BPTF: variants seen among roughly 807,000 people sequenced by gnomAD.
The protein encoded by BPTF is bromodomain PHD finger transcription factor.
Under a neutral mutation model 292.5 loss-of-function variants are expected in BPTF, and 18 were observed. The observed-to-expected ratio is 0.06, with a 90% CI of 0.04 to 0.09. BPTF has a LOEUF of 0.09. BPTF is among the 10% of genes least tolerant of loss of function. The pLI, the probability that BPTF is intolerant of heterozygous loss-of-function variation, is 1.00. For missense variants in BPTF, 2,726 were observed against 3,498.7 expected, an observed-to-expected ratio of 0.78 and a Z score of 5.57; for synonymous variants, 1,225 against 1,251.9, an observed-to-expected ratio of 0.98 and a Z score of 0.45.
chr17:67,937,375 C>T (rs1040344004), intron 18 of BPTF, among the ~76,000 whole-genome samples: 2 of 137,432 alleles, frequency 1.5e-5, no homozygotes, highest in Non-Finnish European at 3.0e-5. Context: ...GAGAATCGGA[C>T]TTTGTCAAAA....
intron 9 of BPTF, among the ~76,000 whole-genome samples, chr17:67,905,915 G>A (rs1462681686): frequency 6.6e-6 from 1 of 151,774 alleles, no homozygotes; most frequent in Non-Finnish European, 1.5e-5. Flanking sequence ...GTTGGGGGAG[G>A]TTGGGGGATA....
At chr17:67,900,175 G>A (rs1254194115) in intron 7 of BPTF, among the ~76,000 whole-genome samples, 3 of 152,062 alleles carry the variant, frequency 2.0e-5, no homozygotes, top group Non-Finnish European at 4.4e-5. Flanking sequence ...CGCCATCTCG[G>A]CTCACTGCAA....
At chr17:67,951,838 A>G (rs1415790662) in intron 23 of BPTF, 1 of 152,090 alleles carries the variant, frequency 6.6e-6, no homozygotes, top group Non-Finnish European at 1.5e-5. Flanking sequence ...GGTAAATCAC[A>G]TGAGGCCAGG....
intron 23 of BPTF, among the ~76,000 whole-genome samples, chr17:67,949,343 G>A (rs904868108): frequency 7.9e-5 from 12 of 151,928 alleles, no homozygotes; most frequent in Admixed American, 2.6e-4. Flanking sequence ...CCAGGAAGCC[G>A]AGGCGGGTGG....
intron 7 of BPTF, among the ~76,000 whole-genome samples, chr17:67,900,785 G>A (rs537203417): frequency 1.3e-5 from 2 of 152,158 alleles, no homozygotes; most frequent in Middle Eastern, 3.4e-3. Flanking sequence ...TGAGGAGGGA[G>A]GATCACCTGA....
rs1280356938 is a variant in BPTF, at chr17:67,857,787, T to C, written c.1436+3025T>C. On this transcript the variant is annotated intron_variant, in intron 2 of 27. Coordinates refer to ENST00000306378, the MANE Select transcript of BPTF (RefSeq NM_182641.4). ...TAGACTAACAATATTTCTTTCTTTT[T>C]TTTTTTTTTTTTTTTTTGAGACAGC... is the stretch of plus-strand genomic sequence containing the variant. 4.5e-4 allele frequency among the ~76,000 whole-genome samples: 65 copies of C among 143,200 alleles called. No individual in the cohort carries two copies. The East Asian group carries it at 6.9e-3, about 15-fold the overall frequency. The allele number at this position is 143,200 out of a possible 152,430, so 93.9% of individuals were successfully genotyped here. A position where few individuals can be genotyped will look rare whatever the true frequency, so the allele number is the denominator to read the frequency against.
chr17:67,899,254 G>T (rs1217463032), intron 7 of BPTF, among the ~76,000 whole-genome samples: 1 of 152,130 alleles, frequency 6.6e-6, no homozygotes, highest in Admixed American at 6.5e-5. Flanking sequence ...AGATCCAAAA[G>T]CAGGAAGTAC....
rs144375265 is a variant in BPTF, at chr17:67,838,289, C to T, written c.613+11952C>T. Among the ~76,000 whole-genome samples, 47 of 152,210 alleles carry T rather than the reference C, an allele frequency of 3.1e-4. No homozygotes were observed. The East Asian group carries it at 5.0e-3, about 16-fold the overall frequency. Reference sequence around the variant, plus strand: ...CTTGACATTCATTAGTCTGTGATTTCGATAATTCGTTTAGGAAAAAGGCTT... The same window carrying T: ...CTTGACATTCATTAGTCTGTGATTTTGATAATTCGTTTAGGAAAAAGGCTT... On this transcript the variant is annotated intron_variant, in intron 1 of 27. Transcript: ENST00000306378.
At chr17:67,924,454 G>T (rs1461697976) in intron 14 of BPTF, 93 bp from the exon 15 acceptor site, 3 of 1,259,494 alleles carry the variant, frequency 2.4e-6, no homozygotes, top group Admixed American at 2.1e-5. Context: ...TCATACCTTT[G>T]TATGATGTGA....
chr17:67,843,756 T>TTTC, intron 1 of BPTF, among the ~76,000 whole-genome samples: 1 of 62,994 alleles, frequency 1.6e-5, no homozygotes, highest in African/African-American at 7.6e-5. Flanking sequence ...GCAGTTGTCT[T>TTTC]TTTTTTTTTT....
rs2063331129 is a variant in BPTF at position 67,920,014 on chromosome 17, G to A, written c.5429-1G>A. On this transcript the variant is annotated splice_acceptor_variant, in intron 12 of 27. Transcript: ENST00000306378. LOFTEE classifies it high-confidence loss of function. ...AATACTATTGAATTAAATCACCATAGAAACATCCGAAACTGAAATCACAAC... is the reference window on the plus strand; with the variant it reads ...AATACTATTGAATTAAATCACCATAAAAACATCCGAAACTGAAATCACAAC... 6.2e-7 allele frequency: 1 copy of A among 1,608,858 alleles called. No individual in the cohort carries two copies. The highest frequency in any genetic ancestry group is 8.5e-7 in the Non-Finnish European group (1 of 1,177,412).
At chr17:67,909,436 TAAGAC>T in intron 9 of BPTF, 141 bp from the exon 10 acceptor site, 1 of 594,616 alleles carries the variant, frequency 1.7e-6, no homozygotes, top group Admixed American at 3.7e-5. Context: ...TTATACTCAA[TAAGAC>T]CTTTGTCTTT....
At position 67,945,493 on chromosome 17, in the gene BPTF, G is replaced by A. The variant is rs782252588; in HGVS notation, c.6785G>A (p.Ser2262Asn). Reference sequence around the variant, plus strand: ...ACCCTGCCACCAGCTCAGTCATCAAGTGTGGGTCCAGCAGAAGCCCAGCCA... The same window carrying A: ...ACCCTGCCACCAGCTCAGTCATCAAATGTGGGTCCAGCAGAAGCCCAGCCA... ...DKTLPPAQSSSVGPAEAQPQT... is the reference protein window; with the variant it reads ...DKTLPPAQSSNVGPAEAQPQT... Residue 2262 changes from serine to asparagine, a missense_variant, in exon 21 of 28, where the codon AGT (serine) becomes AAT (asparagine). By Grantham distance (46) the Ser-to-Asn change is conservative. Around this residue, in one of 22 missense-constraint regions of BPTF, gnomAD observed 570 missense variants for 633.5 expected, o/e 0.90. Coordinates refer to ENST00000306378, the MANE Select transcript of BPTF (RefSeq NM_182641.4). 1.2e-6 allele frequency: 2 copies of A among 1,614,100 alleles called. No homozygotes were observed. The highest frequency in any genetic ancestry group is 1.6e-4 in the Middle Eastern group (1 of 6,062).
chr17:67,923,943 G>A (rs767641561), intron 14 of BPTF, among the ~76,000 whole-genome samples: 21 of 151,948 alleles, frequency 1.4e-4, no homozygotes, highest in Non-Finnish European at 2.8e-4. Context: ...CCAGATTCAA[G>A]CAATTCTCCT....
chr17:67,855,931 T>A (rs769143663), intron 2 of BPTF, among the ~76,000 whole-genome samples: 1 of 152,234 alleles, frequency 6.6e-6, no homozygotes, highest in Non-Finnish European at 1.5e-5. Flanking sequence ...ATCTTCGCTG[T>A]CTATGGTGTT....
intron 15 of BPTF, among the ~76,000 whole-genome samples, chr17:67,926,667 A>T (rs926252381): frequency 3.9e-5 from 6 of 152,180 alleles, no homozygotes; most frequent in African/African-American, 1.4e-4. Flanking sequence ...TTATTTATGA[A>T]TATAGCTAAC....
Position 67,929,639 on chromosome 17 carries a change from T to A in BPTF, c.6150+152T>A, listed in dbSNP as rs1286793791. 55 of 877,082 alleles carry A rather than the reference T, an allele frequency of 6.3e-5. No individual in the cohort carries two copies. In the East Asian group the frequency reaches 1.5e-3, roughly 23 times the overall value. 54.3% of individuals were successfully genotyped at this position (877,082 alleles called of 1,614,324 possible). Reference sequence around the variant, plus strand: ...TGATTTGGAAAAAAATCTGTTATATTTCTGATAAGTGAAAATGATACATGA... The same window carrying A: ...TGATTTGGAAAAAAATCTGTTATATATCTGATAAGTGAAAATGATACATGA... On this transcript the variant is annotated intron_variant, in intron 17 of 27. Transcript: ENST00000306378.
At position 67,853,995 on chromosome 17, in the gene BPTF, C is replaced by T; in HGVS notation, c.669C>T (p.Asp223=). ...RPRSPILEEK[D]IPPLEFPKSS... ...GTTCTCCTATATTGGAAGAAAAAGACATCCCGCCCCTTGAATTTCCCAAGT... is the reference window on the plus strand; with the variant it reads ...GTTCTCCTATATTGGAAGAAAAAGATATCCCGCCCCTTGAATTTCCCAAGT... Residue 223 remains aspartate, a synonymous_variant, in exon 2 of 28, where the codon GAC becomes GAT. Transcript: ENST00000306378. 1 of 1,614,148 alleles carries T rather than the reference C, an allele frequency of 6.2e-7. No individual in the cohort carries two copies. Among genetic ancestry groups the T allele is most frequent in the Non-Finnish European group, 8.5e-7 (1 of 1,180,012 alleles).
intron 15 of BPTF, among the ~76,000 whole-genome samples, chr17:67,927,658 G>A (rs1408896676): frequency 1.3e-5 from 2 of 152,096 alleles, no homozygotes; most frequent in Non-Finnish European, 2.9e-5. Context: ...GAGCAGCATG[G>A]TGTTTCTGTC....
Sources: gnomAD v4.1 joint callset for allele counts (sites outside exome capture counted in the v4.1 genomes callset) on GRCh38, gnomAD v4.1.1 for gene constraint, gnomAD v4.1.1 regional missense constraint, MANE v1.5 for transcripts, NCBI Gene and HGNC (gene_info 2026-07-23, HGNC 2026-07-21) for gene names.